Variants in AGBL1 observed in about 807,000 individuals in gnomAD.
AGBL1 encodes the protein cytosolic carboxypeptidase 4.
A neutral mutation model predicts 118.9 loss-of-function variants in AGBL1; 130 were observed. The observed-to-expected ratio is 1.09, with a 90% CI of 0.95 to 1.26. AGBL1 has a LOEUF of 1.26. Ranked by LOEUF, AGBL1 falls within the 50% of genes most tolerant of loss-of-function variation. The pLI, the probability that AGBL1 is intolerant of heterozygous loss-of-function variation, is 0.00. For synonymous variants in AGBL1, 555 were observed against 478.9 expected (o/e 1.16, Z -2.08); for missense variants, 1,584 against 1,298.1 (o/e 1.22, Z -3.38).
Position 86,909,215 on chromosome 15 carries a change from G to C in AGBL1, c.*1921G>C, listed in dbSNP as rs1472865051. On this transcript the variant is annotated 3_prime_UTR_variant, in exon 23 of 23. Transcript: ENST00000614907. ...GTTAGAAAACATAGTCTTTATTTGA[G>C]GTGGGCCCAGCTAAAATTTGAAGTT... 1 of 152,238 alleles carries C rather than the reference G, an allele frequency of 6.6e-6. No homozygotes were observed. The highest frequency in any genetic ancestry group is 2.4e-5 in the African/African-American group (1 of 41,450). The allele number at this position is 152,238 out of a possible 1,614,324, so 9.4% of individuals were successfully genotyped here.
chr15:86,875,013 G>T (rs1196553363), intron 22 of AGBL1, among the ~76,000 whole-genome samples: 2 of 152,002 alleles, frequency 1.3e-5, no homozygotes, highest in East Asian at 3.9e-4. Flanking sequence ...TAATTGTTTT[G>T]CAGTTCAGAA....
At chr15:86,747,877 G>A (rs1046395646) in intron 22 of AGBL1, among the ~76,000 whole-genome samples, 8 of 152,072 alleles carry the variant, frequency 5.3e-5, no homozygotes, top group African/African-American at 9.6e-5. Flanking sequence ...CCAGTCTATC[G>A]TTGATGGACA....
chr15:86,634,535 G>T (rs2085045117), intron 21 of AGBL1, among the ~76,000 whole-genome samples: 2 of 152,126 alleles, frequency 1.3e-5, no homozygotes, highest in Non-Finnish European at 2.9e-5. Context: ...GTGGATTACT[G>T]GTTGCCTGGA....
chr15:86,883,227 T>C (rs2079921231), intron 22 of AGBL1, among the ~76,000 whole-genome samples: 1 of 152,240 alleles, frequency 6.6e-6, no homozygotes, highest in South Asian at 2.1e-4. Flanking sequence ...AAATGGAGTG[T>C]GCTTCAGCAT....
At chr15:86,339,203 T>C (rs915897508) in intron 17 of AGBL1, among the ~76,000 whole-genome samples, 2 of 152,216 alleles carry the variant, frequency 1.3e-5, no homozygotes, top group African/African-American at 4.8e-5. Context: ...TGGTTTTTGA[T>C]GAGAGATACA....
chr15:86,474,313 T>C (rs1408839658), intron 18 of AGBL1, among the ~76,000 whole-genome samples: 1 of 152,176 alleles, frequency 6.6e-6, no homozygotes, highest in Admixed American at 6.5e-5. Flanking sequence ...GGTCAAGGAA[T>C]TCCCTTTCCT....
chr15:86,242,885 A>G (rs998498225), intron 6 of AGBL1, among the ~76,000 whole-genome samples: 2 of 152,224 alleles, frequency 1.3e-5, no homozygotes, highest in Non-Finnish European at 2.9e-5. Flanking sequence ...CACATTGCCC[A>G]GGAGAAATTC....
intron 18 of AGBL1, among the ~76,000 whole-genome samples, chr15:86,522,352 C>G (rs1276157743): frequency 6.6e-6 from 1 of 152,158 alleles, no homozygotes; most frequent in South Asian, 2.1e-4. Context: ...AATTTATAAG[C>G]CTCACTCTCT....
At chr15:86,336,425 G>T (rs1261742964) in intron 17 of AGBL1, among the ~76,000 whole-genome samples, 1 of 152,248 alleles carries the variant, frequency 6.6e-6, no homozygotes, top group African/African-American at 2.4e-5. Flanking sequence ...CATAAAGCAT[G>T]AGAGAATCAA....
At chr15:86,955,857 A>C (rs1310283634) in intron 23 of AGBL1, among the ~76,000 whole-genome samples, 1 of 152,084 alleles carries the variant, frequency 6.6e-6, no homozygotes, top group Admixed American at 6.6e-5. Flanking sequence ...CTTTATATCA[A>C]ACATGTAAAA....
intron 22 of AGBL1, among the ~76,000 whole-genome samples, chr15:86,794,530 A>T (rs1389930777): frequency 6.6e-6 from 1 of 152,214 alleles, no homozygotes; most frequent in African/African-American, 2.4e-5. Flanking sequence ...ATAGTGGCGG[A>T]TAATTGCAAA....
downstream of AGBL1, among the ~76,000 whole-genome samples, chr15:87,029,806 T>TAC (rs138657268): frequency 1.6e-4 from 24 of 151,564 alleles, no homozygotes; most frequent in African/African-American, 4.3e-4. Context: ...AAGGTGCACA[T>TAC]ACACACACAC....
intron 23 of AGBL1, among the ~76,000 whole-genome samples, chr15:86,951,464 A>C (rs1359670761): frequency 6.6e-6 from 1 of 152,252 alleles, no homozygotes; most frequent in East Asian, 1.9e-4. Context: ...AAGACATTTT[A>C]GTAAAATAAT....
intron 9 of AGBL1, among the ~76,000 whole-genome samples, chr15:86,259,935 C>T (rs1378272242): frequency 2.6e-5 from 4 of 152,332 alleles, no homozygotes; most frequent in East Asian, 1.9e-4. Context: ...TTCCCTTGGC[C>T]CACGCTTTGC....
At chr15:86,565,156 T>G (rs1023418171) in intron 21 of AGBL1, among the ~76,000 whole-genome samples, 7 of 152,234 alleles carry the variant, frequency 4.6e-5, no homozygotes, top group African/African-American at 1.7e-4. Flanking sequence ...CTGTCCAGCT[T>G]TGTTCCATTG....
rs569545705 is a variant in AGBL1 at position 86,522,776 on chromosome 15, T to C, written c.2556-34T>C. The C allele has an allele frequency of 8.7e-6, 14 of 1,605,872 alleles. No individual in the cohort carries two copies. The South Asian group carries it at 1.2e-4, about 14-fold the overall frequency. ...TTTTCTCAAGTTATTTTCTTCTGAA[T>C]GTGTATTTATTTGCTTATTATTTGT... On this transcript the variant is annotated intron_variant, in intron 18 of 22. Transcript: ENST00000614907.
At chr15:86,702,312 T>A (rs916910965) in intron 22 of AGBL1, among the ~76,000 whole-genome samples, 4 of 152,072 alleles carry the variant, frequency 2.6e-5, no homozygotes, top group Non-Finnish European at 5.9e-5. Context: ...ATAAAAATAT[T>A]TTACTTTCAT....
At chr15:86,723,303 C>T (rs1299592535) in intron 22 of AGBL1, among the ~76,000 whole-genome samples, 1 of 152,152 alleles carries the variant, frequency 6.6e-6, no homozygotes, top group Non-Finnish European at 1.5e-5. Flanking sequence ...GGCACATATA[C>T]ACCATGGAAT....
In AGBL1 at chr15:86,264,136, A is replaced by C. The variant is rs371031441; in HGVS notation, c.1087-122A>C. ...GTTAGTCTTTAGTTGACCTTGGAAA[A>C]AGCTTCCACATTCACAGGATTTATG... On this transcript the variant is annotated intron_variant, in intron 10 of 22. Coordinates refer to ENST00000614907, the MANE Select transcript of AGBL1 (RefSeq NM_001386094.1). 3.1e-3 allele frequency: 2,550 copies of C among 830,812 alleles called. 98 individuals are homozygous for C. The South Asian group carries it at 0.045, about 15-fold the overall frequency. The allele number at this position is 830,812 out of a possible 1,614,324, so 51.5% of individuals were successfully genotyped here.
Sources: allele counts gnomAD v4.1 joint callset (sites outside exome capture counted in the v4.1 genomes callset), GRCh38; gene constraint gnomAD v4.1.1; transcripts MANE v1.5; gene names NCBI Gene and HGNC (gene_info 2026-07-23, HGNC 2026-07-21).